KLHL32: variants seen among roughly 807,000 people sequenced by gnomAD.
KLHL32 encodes the protein kelch like family member 32, also known as kelch-like protein 32.
KLHL32 carries 35 observed loss-of-function variants against 64.8 expected under a neutral mutation model. That is an observed-to-expected ratio of 0.54 (90% CI 0.41 to 0.72). The LOEUF (loss-of-function observed/expected upper bound fraction) is 0.72. Among genes scored for constraint, KLHL32 ranks in the 30% least tolerant of loss-of-function variants. The pLI, the probability that KLHL32 is intolerant of heterozygous loss-of-function variation, is 0.00. For synonymous variants in KLHL32, 259 were observed against 281.0 expected (o/e 0.92, Z 0.78); for missense variants, 589 against 768.5 (o/e 0.77, Z 2.76).
chr6:97,061,688 G>C (rs1024011014), intron 4 of KLHL32, among the ~76,000 whole-genome samples: 8 of 152,286 alleles, frequency 5.3e-5, no homozygotes, highest in Non-Finnish European at 5.9e-5. Flanking sequence ...AAATGCAGCT[G>C]TCTTAGTTGT....
At chr6:97,137,908 C>T (rs757417448) in intron 10 of KLHL32, among the ~76,000 whole-genome samples, 7 of 152,048 alleles carry the variant, frequency 4.6e-5, no homozygotes, top group Non-Finnish European at 8.8e-5. Context: ...TCATTAAAGA[C>T]GCGTACAAAG....
At chr6:96,985,644 T>G (rs1304396349) in intron 3 of KLHL32, among the ~76,000 whole-genome samples, 1 of 152,234 alleles carries the variant, frequency 6.6e-6, no homozygotes, top group Admixed American at 6.5e-5. Flanking sequence ...ACTGATACCC[T>G]TTCTTCCAGT....
intron 6 of KLHL32, among the ~76,000 whole-genome samples, chr6:97,089,992 T>C (rs990548654): frequency 2.6e-5 from 4 of 152,128 alleles, no homozygotes; most frequent in Admixed American, 1.3e-4. Flanking sequence ...AGTAATTGCA[T>C]AAACCCAAGT....
At position 97,041,484 on chromosome 6, in the gene KLHL32, C is replaced by G. The variant is rs1582818176; in HGVS notation, c.205-8C>G. 8 of 1,593,206 alleles carry G rather than the reference C, an allele frequency of 5.0e-6. No homozygotes were observed. Among genetic ancestry groups the G allele is most frequent in the Non-Finnish European group, 6.9e-6 (8 of 1,161,086 alleles). ...TCATAACTGTCTTTCTCCCTTTCCT[C>G]ACCTCAGGCAATGTTCAGTCTTTGT... On this transcript the variant is annotated splice_polypyrimidine_tract_variant and splice_region_variant and intron_variant, in intron 3 of 10. Coordinates refer to ENST00000369261, the MANE Select transcript of KLHL32 (RefSeq NM_052904.4).
intron 4 of KLHL32, among the ~76,000 whole-genome samples, chr6:97,060,442 C>G: frequency 6.6e-6 from 1 of 152,152 alleles, no homozygotes; most frequent in Non-Finnish European, 1.5e-5. Context: ...TCCCTACTCC[C>G]ACCGCTCAGT....
chr6:97,049,923 T>G (rs1176442212), intron 4 of KLHL32, among the ~76,000 whole-genome samples: 2 of 152,202 alleles, frequency 1.3e-5, no homozygotes, highest in Non-Finnish European at 2.9e-5. Flanking sequence ...AACAGCTGAT[T>G]CACAGTCAGG....
chr6:96,916,809 T>C, the KLHL32 span, among the ~76,000 whole-genome samples: 1 of 152,220 alleles, frequency 6.6e-6, no homozygotes, highest in Non-Finnish European at 1.5e-5. Context: ...ATGACCCAGA[T>C]TATATACTAT....
At chr6:96,906,212 G>A in the KLHL32 span, among the ~76,000 whole-genome samples, 3 of 152,318 alleles carry the variant, frequency 2.0e-5, no homozygotes, top group South Asian at 6.2e-4. Flanking sequence ...AGTTAAGCCT[G>A]CTTTGGACTT....
At chr6:97,053,870 A>G (rs1167991274) in intron 4 of KLHL32, among the ~76,000 whole-genome samples, 1 of 152,074 alleles carries the variant, frequency 6.6e-6, no homozygotes, top group Non-Finnish European at 1.5e-5. Flanking sequence ...TAGTCTGTGC[A>G]TATACTACAC....
At chr6:97,022,744 A>G (rs1782183433) in intron 3 of KLHL32, among the ~76,000 whole-genome samples, 3 of 152,248 alleles carry the variant, frequency 2.0e-5, no homozygotes, top group African/African-American at 7.2e-5. Flanking sequence ...TGCTGGGATT[A>G]TAGGCATGAG....
At chr6:97,089,516 C>T (rs1345639741) in intron 6 of KLHL32, among the ~76,000 whole-genome samples, 2 of 152,090 alleles carry the variant, frequency 1.3e-5, no homozygotes, top group Non-Finnish European at 2.9e-5. Flanking sequence ...CGGTGGCTTA[C>T]GCCTGTAATC....
intron 1 of KLHL32, among the ~76,000 whole-genome samples, chr6:96,935,194 A>G (rs1365259647): frequency 6.6e-6 from 1 of 152,224 alleles, no homozygotes; most frequent in Non-Finnish European, 1.5e-5. Flanking sequence ...AGAGAAAGGC[A>G]GACATCATAC....
intron 3 of KLHL32, chr6:96,999,386 ACT>A (rs1244598206): frequency 1.7e-5 from 4 of 239,288 alleles, no homozygotes; most frequent in African/African-American, 7.0e-5. Context: ...ACAGAGTAAG[ACT>A]CTGTCTCAAC....
chr6:96,912,677 G>C, the KLHL32 span, among the ~76,000 whole-genome samples: 47 of 152,194 alleles, frequency 3.1e-4, no homozygotes, highest in Non-Finnish European at 5.9e-4. Flanking sequence ...GACTTAAACT[G>C]AAACATACAA....
chr6:97,013,044 G>C (rs1193666558), intron 3 of KLHL32, among the ~76,000 whole-genome samples: 1 of 152,178 alleles, frequency 6.6e-6, no homozygotes, highest in East Asian at 1.9e-4. Context: ...ATCTTAAATG[G>C]CAGAAATGTC....
rs575599279 is a variant in KLHL32 at position 97,008,907 on chromosome 6, G to A, written c.205-32585G>A. 1.9e-4 allele frequency among the ~76,000 whole-genome samples: 29 copies of A among 152,118 alleles called. 1 individual carries two copies. Among genetic ancestry groups the A allele is most frequent in the Admixed American group, 1.5e-3 (23 of 15,256 alleles). On this transcript the variant is annotated intron_variant, in intron 3 of 10. Coordinates refer to ENST00000369261, the MANE Select transcript of KLHL32 (RefSeq NM_052904.4). ...TCCTCCTGGCTGTGCTTAGCCGGCC[G>A]TCTTGGCTCCCCAGCCGCATTTTTA...
intron 1 of KLHL32, among the ~76,000 whole-genome samples, chr6:96,935,222 T>G (rs1770438209): frequency 6.6e-6 from 1 of 152,230 alleles, no homozygotes; most frequent in Non-Finnish European, 1.5e-5. Flanking sequence ...TGCCTGTCTA[T>G]GGTAATTTAA....
At chr6:97,027,755 C>T (rs1782944688) in intron 3 of KLHL32, among the ~76,000 whole-genome samples, 1 of 152,190 alleles carries the variant, frequency 6.6e-6, no homozygotes, top group African/African-American at 2.4e-5. Flanking sequence ...GATCAGTCCT[C>T]CCATGCTGGG....
intron 2 of KLHL32, among the ~76,000 whole-genome samples, chr6:96,971,584 G>A (rs1201043292): frequency 1.3e-5 from 2 of 152,016 alleles, no homozygotes; most frequent in African/African-American, 4.8e-5. Context: ...GTTGCTCCCT[G>A]GCATTACTAA....
Sources: allele counts gnomAD v4.1 joint callset (sites outside exome capture counted in the v4.1 genomes callset), GRCh38; gene constraint gnomAD v4.1.1; transcripts MANE v1.5; gene names NCBI Gene and HGNC (gene_info 2026-07-23, HGNC 2026-07-21).